PITPNB: variants seen among roughly 807,000 people sequenced by gnomAD.
PITPNB encodes the protein phosphatidylinositol transfer protein beta.
PITPNB carries 16 observed loss-of-function variants against 45.9 expected under a neutral mutation model. The observed-to-expected ratio is 0.35, with a 90% CI of 0.24 to 0.53. PITPNB has a LOEUF of 0.53. Ranked by LOEUF, PITPNB falls within the 20% of genes least tolerant of loss-of-function variation. The pLI, the probability that PITPNB is intolerant of heterozygous loss-of-function variation, is 0.93. For synonymous variants in PITPNB, 112 were observed against 108.9 expected, an observed-to-expected ratio of 1.03 and a Z score of -0.18; for missense variants, 188 against 330.5, an observed-to-expected ratio of 0.57 and a Z score of 3.34.
At chr22:27,898,165 C>T (rs778437500) in intron 3 of PITPNB, 2 of 362,244 alleles carry the variant, frequency 5.5e-6, no homozygotes, top group Non-Finnish European at 1.1e-5. Context: ...CACTTGAGCC[C>T]AGGAGTTTGA....
Position 27,911,131 on chromosome 22 carries a change from A to G in PITPNB, c.52-22T>C. The G allele has an allele frequency of 1.9e-6, 3 of 1,599,430 alleles. No homozygotes were observed. The South Asian group carries it at 3.3e-5, about 18-fold the overall frequency. On this transcript the variant is annotated intron_variant, in intron 2 of 11. Transcript: ENST00000335272. ...GATACTGAAATTTCAAAGAATACAG[A>G]AACTGAGTAAGTCAGTAGTAACTGC...
At chr22:27,867,364 A>G (rs9625346) in intron 8 of PITPNB, among the ~76,000 whole-genome samples, 6,583 of 152,306 alleles carry the variant, frequency 0.043, 242 homozygotes, top group African/African-American at 0.092. Flanking sequence ...AAAGGTGGGG[A>G]AGTCCCATCT....
At chr22:27,859,042 T>C (rs2146347343) in intron 9 of PITPNB, among the ~76,000 whole-genome samples, 1 of 152,322 alleles carries the variant, frequency 6.6e-6, no homozygotes, top group East Asian at 1.9e-4. Context: ...TTAAAAACCA[T>C]GTATATAATT....
chr22:27,863,652 G>A (rs1934401004), intron 8 of PITPNB, among the ~76,000 whole-genome samples: 1 of 152,182 alleles, frequency 6.6e-6, no homozygotes, highest in African/African-American at 2.4e-5. Flanking sequence ...AAAATCTTGG[G>A]TGTACCTAGA....
intron 7 of PITPNB, among the ~76,000 whole-genome samples, chr22:27,892,400 C>A (rs77328270): frequency 2.5e-3 from 381 of 152,318 alleles, no homozygotes; most frequent in African/African-American, 8.0e-3. Flanking sequence ...TGCTGGTGAA[C>A]AACGTAGACT....
At chr22:27,911,552 C>T (rs745501866) in intron 2 of PITPNB, among the ~76,000 whole-genome samples, 44 of 152,150 alleles carry the variant, frequency 2.9e-4, no homozygotes, top group African/African-American at 9.9e-4. Flanking sequence ...GAGCAACCAG[C>T]ATATTGCTCT....
chr22:27,885,634 C>G (rs1372076754), intron 7 of PITPNB, among the ~76,000 whole-genome samples: 1 of 152,096 alleles, frequency 6.6e-6, no homozygotes, highest in East Asian at 1.9e-4. Flanking sequence ...CTCAGCCTCT[C>G]AAAATGCTGG....
At chr22:27,869,749 C>T (rs1934598383) in intron 8 of PITPNB, among the ~76,000 whole-genome samples, 2 of 152,188 alleles carry the variant, frequency 1.3e-5, no homozygotes, top group South Asian at 4.1e-4. Flanking sequence ...TGCACTTCTT[C>T]TGTGCTGGGA....
At chr22:27,868,358 C>T (rs1196645058) in intron 8 of PITPNB, among the ~76,000 whole-genome samples, 1 of 152,208 alleles carries the variant, frequency 6.6e-6, no homozygotes, top group African/African-American at 2.4e-5. Context: ...TCTACTCCTC[C>T]TATCCCTGGC....
intron 9 of PITPNB, 37 bp downstream of exon 9, chr22:27,860,094 C>T: frequency 8.1e-7 from 1 of 1,235,342 alleles, no homozygotes; most frequent in Non-Finnish European, 1.2e-6. Context: ...CCGATCTCAT[C>T]CTAAATCTAA....
At chr22:27,894,362 G>A (rs931868503) in intron 7 of PITPNB, 193 bp downstream of exon 7, 12 of 400,346 alleles carry the variant, frequency 3.0e-5, no homozygotes, top group African/African-American at 6.1e-5. Flanking sequence ...AAAACAAATC[G>A]CCTTCTCTCT....
At chr22:27,865,934 C>A (rs186768514) in intron 8 of PITPNB, among the ~76,000 whole-genome samples, 51 of 152,288 alleles carry the variant, frequency 3.3e-4, no homozygotes. Flanking sequence ...AAACCAAAAT[C>A]TGAATTAAGA....
chr22:27,866,561 C>A (rs1934491163), intron 8 of PITPNB, among the ~76,000 whole-genome samples: 1 of 152,080 alleles, frequency 6.6e-6, no homozygotes, highest in Non-Finnish European at 1.5e-5. Flanking sequence ...TAAAAAGAAT[C>A]CAAAGGCATT....
At chr22:27,870,906 A>G (rs1934640546) in intron 8 of PITPNB, among the ~76,000 whole-genome samples, 1 of 152,256 alleles carries the variant, frequency 6.6e-6, no homozygotes, top group Admixed American at 6.5e-5. Flanking sequence ...GATCACAGTA[A>G]TTCACAGAAA....
Position 27,853,641 on chromosome 22 carries a change from C to T in PITPNB, c.*61G>A. 1.9e-6 allele frequency: 3 copies of T among 1,550,886 alleles called. No homozygotes were observed. Among genetic ancestry groups the T allele is most frequent in the Admixed American group, 2.0e-5 (1 of 51,006 alleles). ...CTCATCACTGGCTGCGCTTGTTCCC[C>T]TCACTTGACCTTGATTACGTAACTG... On this transcript the variant is annotated 3_prime_UTR_variant, in exon 12 of 12. Transcript: ENST00000335272.
intron 7 of PITPNB, among the ~76,000 whole-genome samples, chr22:27,885,027 T>C (rs778193806): frequency 6.6e-6 from 1 of 150,620 alleles, no homozygotes; most frequent in Non-Finnish European, 1.5e-5. Context: ...TTCTAAACCA[T>C]GCTCATTTTC....
chr22:27,909,637 C>T (rs1471519630), intron 3 of PITPNB, among the ~76,000 whole-genome samples: 1 of 152,132 alleles, frequency 6.6e-6, no homozygotes, highest in African/African-American at 2.4e-5. Flanking sequence ...AAAATACTAT[C>T]AAACTCTTGA....
In PITPNB at chr22:27,855,365, G is replaced by A. The variant is rs997495121; in HGVS notation, c.769-426C>T. On this transcript the variant is annotated intron_variant, in intron 10 of 11. Transcript: ENST00000335272. ...GGGTCTCTCAGTGGAGTCCTTTAAA[G>A]GAAGTTTACTGAAAGGAGGGAGAAT... is the stretch of plus-strand genomic sequence containing the variant. 2.8e-4 allele frequency among the ~76,000 whole-genome samples: 42 copies of A among 152,222 alleles called. 1 individual carries two copies. In the Middle Eastern group the frequency reaches 0.014, roughly 49 times the overall value.
At chr22:27,884,577 AAAAGCCATGGTCTTG>A (rs1313461463) in intron 7 of PITPNB, among the ~76,000 whole-genome samples, 1 of 152,232 alleles carries the variant, frequency 6.6e-6, no homozygotes, top group African/African-American at 2.4e-5. Flanking sequence ...GGTGATGCTG[AAAAGCCATGGTCTTG>A]GCACTGTGGT....
Sources: gnomAD v4.1 joint callset for allele counts (sites outside exome capture counted in the v4.1 genomes callset) on GRCh38, gnomAD v4.1.1 for gene constraint, MANE v1.5 for transcripts, NCBI Gene and HGNC (gene_info 2026-07-23, HGNC 2026-07-21) for gene names.